The following RBMS2 variants were observed in gnomAD, a reference collection of about 807,000 sequenced individuals.
The protein encoded by RBMS2 is RNA binding motif single stranded interacting protein 2.
Under a neutral mutation model 58.4 loss-of-function variants are expected in RBMS2, and 38 were observed. The ratio of observed to expected loss-of-function variants is 0.65; its 90% CI spans 0.50 to 0.85. RBMS2 has a LOEUF of 0.85. Ranked by LOEUF, RBMS2 falls within the 40% of genes least tolerant of loss-of-function variation. RBMS2 has a pLI of 0.00. For missense variants in RBMS2, 367 were observed against 503.7 expected, an observed-to-expected ratio of 0.73 and a Z score of 2.60; for synonymous variants, 151 against 180.7, an observed-to-expected ratio of 0.84 and a Z score of 1.32.
intron 9 of RBMS2, among the ~76,000 whole-genome samples, chr12:56,584,431 CAAA>C (rs1209646153): frequency 2.3e-5 from 2 of 87,572 alleles, no homozygotes; most frequent in African/African-American, 4.4e-5. Context: ...GACCATGTCT[CAAA>C]AAAAAAAAAA....
At chr12:56,571,635 AG>A (rs764172323) in intron 4 of RBMS2, 62 bp from the exon 5 acceptor site, 164 of 1,388,356 alleles carry the variant, frequency 1.2e-4, no homozygotes, top group Non-Finnish European at 1.5e-4. Context: ...ATTTGTGGGG[AG>A]GGCTGAGGGT....
intron 1 of RBMS2, among the ~76,000 whole-genome samples, chr12:56,552,585 G>A (rs1375735419): frequency 6.6e-6 from 1 of 152,162 alleles, no homozygotes; most frequent in East Asian, 1.9e-4. Context: ...CAGGCCAGGT[G>A]CAGTGGCTGA....
intron 7 of RBMS2, 59 bp from the exon 8 acceptor site, chr12:56,581,774 G>A (rs1883980368): frequency 1.3e-6 from 2 of 1,582,296 alleles, no homozygotes; most frequent in African/African-American, 2.7e-5. Flanking sequence ...GACATTCTGG[G>A]CCAGCTCCTA....
intron 2 of RBMS2, among the ~76,000 whole-genome samples, chr12:56,565,696 T>A (rs1881226261): frequency 6.6e-6 from 1 of 151,974 alleles, no homozygotes; most frequent in African/African-American, 2.4e-5. Flanking sequence ...GAGCAGGGAG[T>A]TAAGCCTTTC....
chr12:56,567,345 A>G (rs926110523), intron 2 of RBMS2, among the ~76,000 whole-genome samples: 1 of 151,120 alleles, frequency 6.6e-6, no homozygotes, highest in African/African-American at 2.4e-5. Context: ...AGATCACACC[A>G]TTGCACTCCA....
Position 56,588,346 on chromosome 12 carries a change from C to G in RBMS2, c.1115C>G (p.Pro372Arg). The G allele has an allele frequency of 6.2e-7, 1 of 1,613,726 alleles. No individual in the cohort carries two copies. Among genetic ancestry groups the G allele is most frequent in the Non-Finnish European group, 8.5e-7 (1 of 1,179,694 alleles). ...MQGAYISQYT[P>R]VPSSSVSVEE... ...GGAGCTTACATCTCCCAGTACACCCCTGTGCCTTCTTCCAGTGTTTCAGTC... is the reference window on the plus strand; with the variant it reads ...GGAGCTTACATCTCCCAGTACACCCGTGTGCCTTCTTCCAGTGTTTCAGTC... The change falls in exon 12 of 14, where the codon CCT (proline) becomes CGT (arginine). Residue 372 changes from proline to arginine, a missense_variant. This residue lies in a region of RBMS2 where 220 missense variants were observed against 261.1 expected (regional missense o/e 0.84). Coordinates refer to ENST00000262031, the MANE Select transcript of RBMS2 (RefSeq NM_002898.4).
At chr12:56,523,927 C>G (rs1314463227) in intron 1 of RBMS2, among the ~76,000 whole-genome samples, 3 of 151,954 alleles carry the variant, frequency 2.0e-5, no homozygotes, top group African/African-American at 7.3e-5. Context: ...CTTTTCAAAC[C>G]TTGTAGAGTA....
intron 1 of RBMS2, among the ~76,000 whole-genome samples, chr12:56,549,610 C>T (rs1390462285): frequency 3.9e-5 from 6 of 152,302 alleles, no homozygotes; most frequent in Admixed American, 2.6e-4. Context: ...CACGTCCCCA[C>T]CAGCCTTTCC....
At chr12:56,542,479 T>TA (rs1565737960) in intron 1 of RBMS2, among the ~76,000 whole-genome samples, 102 of 150,444 alleles carry the variant, frequency 6.8e-4, no homozygotes, top group South Asian at 6.5e-3. Flanking sequence ...TTTTTTTTTT[T>TA]TAAAAATGGG....
At chr12:56,548,857 T>C (rs935898672) in intron 1 of RBMS2, among the ~76,000 whole-genome samples, 1 of 152,240 alleles carries the variant, frequency 6.6e-6, no homozygotes, top group African/African-American at 2.4e-5. Flanking sequence ...GATTGAGTTT[T>C]CTACTGCTCT....
intron 1 of RBMS2, among the ~76,000 whole-genome samples, chr12:56,540,463 A>G (rs11836504): frequency 0.044 from 6,714 of 152,092 alleles, 512 homozygotes; most frequent in African/African-American, 0.15. Flanking sequence ...AGCCTCAAAC[A>G]CCTGAGCTCA....
At chr12:56,570,726 C>T (rs921571723) in intron 4 of RBMS2, among the ~76,000 whole-genome samples, 11 of 152,148 alleles carry the variant, frequency 7.2e-5, no homozygotes, top group South Asian at 2.1e-4. Flanking sequence ...TACAGGCACC[C>T]GCCATCACCT....
chr12:56,556,870 T>C (rs1879320505), intron 1 of RBMS2, among the ~76,000 whole-genome samples: 1 of 152,178 alleles, frequency 6.6e-6, no homozygotes, highest in African/African-American at 2.4e-5. Flanking sequence ...TAACTGATGA[T>C]ATTATTTATT....
chr12:56,573,751 C>CTTT (rs35292811), intron 5 of RBMS2, among the ~76,000 whole-genome samples: 1 of 139,892 alleles, frequency 7.1e-6, no homozygotes. Context: ...ATGGTCCACA[C>CTTT]TTTTTTTTTT....
Position 56,534,790 on chromosome 12 carries a change from C to T in RBMS2, c.66+12701C>T, listed in dbSNP as rs907922932. On this transcript the variant is annotated intron_variant, in intron 1 of 13. Coordinates refer to ENST00000262031, the MANE Select transcript of RBMS2 (RefSeq NM_002898.4). ...CCGAATAGCAGGGACTACAGGCGCC[C>T]GCCACCATGCCCGGCTAATTTTTTG... 1.1e-4 allele frequency among the ~76,000 whole-genome samples: 16 copies of T among 152,128 alleles called. No homozygotes were observed. In the East Asian group the frequency reaches 2.9e-3, roughly 28 times the overall value.
intron 10 of RBMS2, 119 bp downstream of exon 10, chr12:56,587,045 C>T (rs1884766582): frequency 9.8e-7 from 1 of 1,020,074 alleles, no homozygotes; most frequent in Non-Finnish European, 1.5e-6. Context: ...GCAGGCAAAT[C>T]ACCTGAGGTC....
chr12:56,582,007 CT>C (rs575503733), intron 8 of RBMS2, 51 bp from the exon 9 acceptor site: 82 of 1,567,110 alleles, frequency 5.2e-5, no homozygotes, highest in Non-Finnish European at 6.2e-5. Flanking sequence ...AGTTGGGACC[CT>C]TCCCTTGTGG....
At chr12:56,537,832 A>G (rs1044597705) in intron 1 of RBMS2, among the ~76,000 whole-genome samples, 2 of 135,770 alleles carry the variant, frequency 1.5e-5, no homozygotes, top group African/African-American at 5.4e-5. Context: ...CCTTACCAAC[A>G]CTTGTTGTTT....
chr12:56,587,267 CAA>C (rs1237199645), intron 10 of RBMS2, among the ~76,000 whole-genome samples: 12 of 120,034 alleles, frequency 1.0e-4, no homozygotes, highest in East Asian at 2.3e-4. Context: ...AACTCCGTCT[CAA>C]AAAAAAAAAA....
Sources: allele counts gnomAD v4.1 joint callset (sites outside exome capture counted in the v4.1 genomes callset), GRCh38; gene constraint gnomAD v4.1.1; regional missense constraint gnomAD v4.1.1; transcripts MANE v1.5; gene names NCBI Gene and HGNC (gene_info 2026-07-23, HGNC 2026-07-21).